Variants in PTPRT observed in about 807,000 individuals in gnomAD.
PTPRT encodes receptor-type tyrosine-protein phosphatase T.
In PTPRT, 56 loss-of-function variants were observed where a neutral mutation model predicts 176.8. The observed-to-expected ratio is 0.32, with a 90% CI of 0.26 to 0.40. PTPRT has a LOEUF of 0.40. Among genes scored for constraint, PTPRT ranks in the 10% least tolerant of loss-of-function variants. The pLI is 1.00. For synonymous variants in PTPRT, 783 were observed against 739.0 expected, an observed-to-expected ratio of 1.06 and a Z score of -0.96; for missense variants, 1,540 against 1,908.2, an observed-to-expected ratio of 0.81 and a Z score of 3.60.
intron 1 of PTPRT, among the ~76,000 whole-genome samples, chr20:42,912,298 T>G (rs979997718): frequency 6.6e-6 from 1 of 152,176 alleles, no homozygotes; most frequent in Non-Finnish European, 1.5e-5. Flanking sequence ...TTTAACTTAT[T>G]TGAATATTAG....
intron 2 of PTPRT, among the ~76,000 whole-genome samples, chr20:42,807,477 C>T (rs1195136043): frequency 2.6e-5 from 4 of 151,968 alleles, no homozygotes; most frequent in East Asian, 1.9e-4. Context: ...AAAGAGTTCC[C>T]GAGCCCTGTG....
chr20:42,473,389 C>G (rs1405192717), intron 7 of PTPRT, among the ~76,000 whole-genome samples: 1 of 151,974 alleles, frequency 6.6e-6, no homozygotes, highest in Non-Finnish European at 1.5e-5. Context: ...TAATATAAAA[C>G]AGGTTATAAT....
Position 42,077,077 on chromosome 20 carries a change from T to C in PTPRT, c.*3802A>G, listed in dbSNP as rs1461029053. The C allele has an allele frequency of 1.1e-5, 2 of 183,680 alleles. No individual in the cohort carries two copies. The highest frequency in any genetic ancestry group is 2.3e-5 in the Non-Finnish European group (2 of 86,556). 11.4% of individuals were successfully genotyped at this position (183,680 alleles called of 1,614,324 possible). A position where few individuals can be genotyped will look rare whatever the true frequency, so the allele number is the denominator to read the frequency against. On this transcript the variant is annotated 3_prime_UTR_variant, in exon 31 of 31. Transcript: ENST00000373187. ...GAGCCTTAGTTTCCTCATCAGTAAATGGTGACAATCACAAACCCTCCTTTA... is the reference window on the plus strand; with the variant it reads ...GAGCCTTAGTTTCCTCATCAGTAAACGGTGACAATCACAAACCCTCCTTTA...
intron 2 of PTPRT, among the ~76,000 whole-genome samples, chr20:42,835,446 T>C (rs899505484): frequency 6.6e-6 from 1 of 152,032 alleles, no homozygotes; most frequent in African/African-American, 2.4e-5. Context: ...GATATCCAAA[T>C]GAAATAGAAA....
At chr20:42,799,426 A>G (rs968572540) in intron 2 of PTPRT, among the ~76,000 whole-genome samples, 3 of 152,124 alleles carry the variant, frequency 2.0e-5, no homozygotes, top group Non-Finnish European at 4.4e-5. Flanking sequence ...TGATGATGTG[A>G]TGAAAACAGA....
intron 2 of PTPRT, among the ~76,000 whole-genome samples, chr20:42,808,588 G>A (rs1478560892): frequency 6.6e-6 from 1 of 152,096 alleles, no homozygotes. Context: ...GGAGCCCATG[G>A]GTGTTTATCA....
chr20:42,585,939 T>C (rs2073463885), intron 7 of PTPRT, among the ~76,000 whole-genome samples: 1 of 152,184 alleles, frequency 6.6e-6, no homozygotes, highest in South Asian at 2.1e-4. Context: ...TATGTATACA[T>C]ACATACAAAC....
chr20:42,587,528 C>A (rs62203796), intron 7 of PTPRT, among the ~76,000 whole-genome samples: 1 of 152,226 alleles, frequency 6.6e-6, no homozygotes, highest in Non-Finnish European at 1.5e-5. Flanking sequence ...GACCCTTGCA[C>A]GGCCTGAGCC....
intron 18 of PTPRT, among the ~76,000 whole-genome samples, chr20:42,139,675 T>C (rs974272988): frequency 2.0e-5 from 3 of 152,236 alleles, no homozygotes; most frequent in Non-Finnish European, 2.9e-5. Flanking sequence ...GTCTAAGAGA[T>C]GCAGGCAGGG....
chr20:43,128,345 G>T (rs946034170), intron 1 of PTPRT, among the ~76,000 whole-genome samples: 2 of 152,216 alleles, frequency 1.3e-5, no homozygotes, highest in African/African-American at 4.8e-5. Context: ...TGACTGATCT[G>T]CACTCAGTCT....
chr20:42,943,813 A>G lies in PTPRT; in HGVS notation c.89-57881T>C, dbSNP rs57343409. 4.3e-3 allele frequency among the ~76,000 whole-genome samples: 650 copies of G among 152,136 alleles called. 2 individuals carry two copies. Among genetic ancestry groups the G allele is most frequent in the African/African-American group, 0.015 (620 of 41,510 alleles). ...GAAGATCATTCCAGCCTGGGAGTTCAAGACCAGCCTGGGCAACATAGCAAC... is the reference window on the plus strand; with the variant it reads ...GAAGATCATTCCAGCCTGGGAGTTCGAGACCAGCCTGGGCAACATAGCAAC... On this transcript the variant is annotated intron_variant, in intron 1 of 30. Transcript: ENST00000373187.
At position 42,965,326 on chromosome 20, in the gene PTPRT, A is replaced by G. The variant is rs189389748; in HGVS notation, c.89-79394T>C. ...TACTTCAAAAGACCAACATGTTACC[A>G]CTGAAGGCAGATATACAATAAGATA... On this transcript the variant is annotated intron_variant, in intron 1 of 30. Transcript: ENST00000373187. Among the ~76,000 whole-genome samples, 263 of 152,336 alleles carry G rather than the reference A, an allele frequency of 1.7e-3. 4 individuals carry two copies. Among genetic ancestry groups the G allele is most frequent in the African/African-American group, 6.2e-3 (258 of 41,578 alleles).
chr20:42,981,868 T>C (rs1311664986), intron 1 of PTPRT, among the ~76,000 whole-genome samples: 3 of 152,200 alleles, frequency 2.0e-5, no homozygotes, highest in Non-Finnish European at 1.5e-5. Context: ...TGGCTTTGGG[T>C]GTTGGCTAGG....
At chr20:42,222,273 A>G (rs1246812722) in intron 15 of PTPRT, among the ~76,000 whole-genome samples, 1 of 152,150 alleles carries the variant, frequency 6.6e-6, no homozygotes, top group Non-Finnish European at 1.5e-5. Flanking sequence ...ATTTCCTTAC[A>G]TTTAAAATAT....
chr20:42,157,953 A>T (rs1239537766), intron 17 of PTPRT, among the ~76,000 whole-genome samples: 1 of 152,146 alleles, frequency 6.6e-6, no homozygotes, highest in East Asian at 1.9e-4. Context: ...GGACAATCCC[A>T]GCTGAAAGCC....
At chr20:42,882,233 G>A (rs557633105) in intron 2 of PTPRT, among the ~76,000 whole-genome samples, 7 of 152,296 alleles carry the variant, frequency 4.6e-5, no homozygotes, top group South Asian at 2.1e-4. Flanking sequence ...ATCCAAATTC[G>A]CTTTCATGCC....
At chr20:42,472,623 A>C (rs1370667192) in intron 7 of PTPRT, 61 bp from the exon 8 acceptor site, 2 of 1,531,884 alleles carry the variant, frequency 1.3e-6, no homozygotes, top group East Asian at 4.5e-5. Flanking sequence ...GCTGGGGTAC[A>C]TGTTCTGCTA....
intron 6 of PTPRT, among the ~76,000 whole-genome samples, chr20:42,731,811 C>T (rs2076465177): frequency 6.6e-6 from 1 of 152,180 alleles, no homozygotes; most frequent in Admixed American, 6.5e-5. Flanking sequence ...ACCCTCAGTC[C>T]TTTCAACATG....
intron 16 of PTPRT, among the ~76,000 whole-genome samples, chr20:42,179,290 T>C (rs943367188): frequency 3.6e-4 from 55 of 152,238 alleles, no homozygotes; most frequent in African/African-American, 1.3e-3. Context: ...ATTCACTTAA[T>C]AAAAGTTTTT....
Sources: allele counts gnomAD v4.1 joint callset (sites outside exome capture counted in the v4.1 genomes callset), GRCh38; gene constraint gnomAD v4.1.1; transcripts MANE v1.5; gene names NCBI Gene and HGNC (gene_info 2026-07-23, HGNC 2026-07-21).